The following ELAPOR2 variants were observed in gnomAD, a reference collection of about 807,000 sequenced individuals.
The protein encoded by ELAPOR2 is endosome-lysosome associated apoptosis and autophagy regulator family member 2.
ELAPOR2 carries 89 observed loss-of-function variants against 120.7 expected under a neutral mutation model. The ratio of observed to expected loss-of-function variants is 0.74; its 90% CI spans 0.62 to 0.88. The LOEUF is 0.88. Ranked by LOEUF, ELAPOR2 falls within the 40% of genes least tolerant of loss-of-function variation. The pLI, the probability that ELAPOR2 is intolerant of heterozygous loss-of-function variation, is 0.00. For synonymous variants in ELAPOR2, 444 were observed against 444.9 expected (o/e 1.00, Z 0.03); for missense variants, 1,134 against 1,251.6 (o/e 0.91, Z 1.42).
At chr7:86,891,619 G>T in intron 21 of ELAPOR2, 105 bp downstream of exon 21, 1 of 871,222 alleles carries the variant, frequency 1.1e-6, no homozygotes, top group Non-Finnish European at 1.8e-6. Context: ...TACCCACTGA[G>T]ATATAAACAT....
chr7:87,035,486 T>C (rs1794558820), intron 1 of ELAPOR2, among the ~76,000 whole-genome samples: 2 of 152,232 alleles, frequency 1.3e-5, no homozygotes, highest in Non-Finnish European at 2.9e-5. Flanking sequence ...GCTCATGTCA[T>C]GGCCCCCTCA....
At chr7:87,019,383 T>G (rs577200614) in intron 1 of ELAPOR2, among the ~76,000 whole-genome samples, 35 of 152,094 alleles carry the variant, frequency 2.3e-4, no homozygotes, top group Non-Finnish European at 4.6e-4. Context: ...AGGCTGGTCT[T>G]GAACTCCTGG....
intron 1 of ELAPOR2, among the ~76,000 whole-genome samples, chr7:86,995,207 G>T (rs1793083450): frequency 6.6e-6 from 1 of 152,046 alleles, no homozygotes; most frequent in Admixed American, 6.5e-5. Flanking sequence ...CTTCTAATTG[G>T]CCAAGATAGG....
chr7:86,912,101 A>G lies in ELAPOR2; in HGVS notation c.2140T>C (p.Phe714Leu), dbSNP rs747216927. 1 of 1,610,718 alleles carries G rather than the reference A, an allele frequency of 6.2e-7. No individual in the cohort carries two copies. The highest frequency in any genetic ancestry group is 8.5e-7 in the Non-Finnish European group (1 of 1,177,186). ...FTSKGTKYFHFFNISLCGHEG... is the reference protein window; with the variant it reads ...FTSKGTKYFHLFNISLCGHEG... ...TGCCCACATAAACTGATATTGAAGAAATGGAAGTATTTTGTTCCTTTGGAG... is the reference window on the plus strand; with the variant it reads ...TGCCCACATAAACTGATATTGAAGAGATGGAAGTATTTTGTTCCTTTGGAG... Residue 714 changes from phenylalanine (F) to leucine (L), a missense_variant, in exon 15 of 22, where the codon TTC becomes CTC. Physicochemically the swap from Phe to Leu is conservative, Grantham distance 22. Transcript: ENST00000450689.
intron 1 of ELAPOR2, among the ~76,000 whole-genome samples, chr7:87,051,278 T>G (rs200111815): frequency 6.8e-6 from 1 of 146,072 alleles, no homozygotes; most frequent in Admixed American, 6.9e-5. Context: ...CAGGAGAGTT[T>G]GGGGTGCTTG....
rs1419553527 is a variant in ELAPOR2, at chr7:86,957,715, TA to T, written c.310+7188del. On this transcript the variant is annotated intron_variant, in intron 2 of 21. Transcript: ENST00000450689. ...AATATAGACAATTAAGAATAAAATCTACTACCAGGTATGATGTTAGGTACGA... is the reference window on the plus strand; with the variant it reads ...AATATAGACAATTAAGAATAAAATCTCTACCAGGTATGATGTTAGGTACGA... Among the ~76,000 whole-genome samples, 5 of 152,236 alleles carry T rather than the reference TA, an allele frequency of 3.3e-5. No individual in the cohort carries two copies. The East Asian group carries it at 9.7e-4, about 29-fold the overall frequency.
intron 11 of ELAPOR2, 89 bp from the exon 12 acceptor site, chr7:86,918,633 A>G: frequency 1.2e-6 from 1 of 807,584 alleles, no homozygotes; most frequent in Non-Finnish European, 2.1e-6. Context: ...TTAAACTAAA[A>G]GCCATGCTCT....
chr7:86,926,362 C>A (rs569823258), intron 9 of ELAPOR2, among the ~76,000 whole-genome samples: 1 of 151,954 alleles, frequency 6.6e-6, no homozygotes, highest in African/African-American at 2.4e-5. Context: ...GTTTAAATGT[C>A]CTTCTCAATG....
At chr7:86,914,917 C>A (rs867184649) in intron 12 of ELAPOR2, 57 bp from the exon 13 acceptor site, 28 of 1,321,066 alleles carry the variant, frequency 2.1e-5, no homozygotes, top group African/African-American at 2.1e-4. Context: ...CATTAATATA[C>A]CTGTGTATAT....
At chr7:86,989,714 G>A (rs1269138638) in intron 1 of ELAPOR2, among the ~76,000 whole-genome samples, 1 of 152,034 alleles carries the variant, frequency 6.6e-6, no homozygotes, top group Admixed American at 6.5e-5. Flanking sequence ...TCCCTTTATT[G>A]AGCTCTGTTC....
intron 10 of ELAPOR2, among the ~76,000 whole-genome samples, chr7:86,919,523 A>C (rs1473755842): frequency 6.6e-6 from 1 of 152,168 alleles, no homozygotes; most frequent in Non-Finnish European, 1.5e-5. Flanking sequence ...TTTTGAATAA[A>C]AGATACTTAA....
At chr7:87,022,839 G>A (rs1794103597) in intron 1 of ELAPOR2, among the ~76,000 whole-genome samples, 1 of 151,854 alleles carries the variant, frequency 6.6e-6, no homozygotes, top group South Asian at 2.1e-4. Context: ...GTGATAATGA[G>A]CATTTTTTCA....
chr7:87,044,578 C>T (rs1268614948), intron 1 of ELAPOR2, among the ~76,000 whole-genome samples: 1 of 150,500 alleles, frequency 6.6e-6, no homozygotes, highest in Admixed American at 6.6e-5. Context: ...AACTGGATCC[C>T]TTCCTTACAC....
At chr7:87,039,041 G>C (rs2129014873) in intron 1 of ELAPOR2, among the ~76,000 whole-genome samples, 1 of 151,822 alleles carries the variant, frequency 6.6e-6, no homozygotes, top group East Asian at 1.9e-4. Context: ...AAGAAAAAAA[G>C]AAGATACAAA....
intron 1 of ELAPOR2, among the ~76,000 whole-genome samples, chr7:87,022,577 C>T (rs1048218288): frequency 6.6e-6 from 1 of 152,052 alleles, no homozygotes; most frequent in African/African-American, 2.4e-5. Flanking sequence ...GATTTATAAT[C>T]CTTTGGGTAT....
chr7:87,026,208 T>A (rs866598808), intron 1 of ELAPOR2, among the ~76,000 whole-genome samples: 1 of 152,080 alleles, frequency 6.6e-6, no homozygotes, highest in African/African-American at 2.4e-5. Flanking sequence ...TTAGGTTTCA[T>A]TGAGCCGTGG....
rs768874033 is a variant in ELAPOR2 at position 86,975,456 on chromosome 7, CTAA to C, written c.190-10435_190-10433del. On this transcript the variant is annotated intron_variant, in intron 1 of 21. Coordinates refer to ENST00000450689, the MANE Select transcript of ELAPOR2 (RefSeq NM_001142749.3). ...TTTTTTAAAAAATAATAATGTAACC[CTAA>C]TAATACCTCTGTCATAACTATACTT... Among the ~76,000 whole-genome samples the C allele has an allele frequency of 4.1e-4, 62 of 152,144 alleles. 2 individuals are homozygous for C. Among genetic ancestry groups the C allele is most frequent in the Non-Finnish European group, 3.5e-4 (24 of 68,030 alleles).
intron 1 of ELAPOR2, among the ~76,000 whole-genome samples, chr7:86,992,033 G>A (rs1044764314): frequency 6.6e-6 from 1 of 152,220 alleles, no homozygotes; most frequent in African/African-American, 2.4e-5. Flanking sequence ...GATATTGAAA[G>A]CAAATTACAT....
chr7:87,035,430 G>T (rs116107621), intron 1 of ELAPOR2, among the ~76,000 whole-genome samples: 3,678 of 152,196 alleles, frequency 0.024, 168 homozygotes, highest in African/African-American at 0.085. Context: ...CTCTAAATGA[G>T]CATTATAGCA....
Sources: allele counts gnomAD v4.1 joint callset (sites outside exome capture counted in the v4.1 genomes callset), GRCh38; gene constraint gnomAD v4.1.1; transcripts MANE v1.5; gene names NCBI Gene and HGNC (gene_info 2026-07-23, HGNC 2026-07-21).